Variants in MMP21 observed in about 807,000 individuals in gnomAD.
MMP21 encodes the protein matrix metallopeptidase 21.
Under a neutral mutation model 47.8 loss-of-function variants are expected in MMP21, and 40 were observed. The ratio of observed to expected loss-of-function variants is 0.84; its 90% CI spans 0.65 to 1.09. MMP21 has a LOEUF of 1.09. MMP21 is among the 50% of genes least tolerant of loss of function. MMP21 has a pLI of 0.00. For synonymous variants in MMP21, 341 were observed against 318.0 expected (o/e 1.07, Z -0.77); for missense variants, 747 against 775.3 (o/e 0.96, Z 0.43).
intron 5 of MMP21, among the ~76,000 whole-genome samples, chr10:125,769,891 T>C (rs1358153057): frequency 4.6e-5 from 7 of 152,108 alleles, no homozygotes; most frequent in Non-Finnish European, 1.5e-5. Context: ...TTCACACCTG[T>C]AATCCCAACA....
At chr10:125,775,130 G>T (rs922276948) in intron 1 of MMP21, among the ~76,000 whole-genome samples, 1 of 152,174 alleles carries the variant, frequency 6.6e-6, no homozygotes, top group African/African-American at 2.4e-5. Flanking sequence ...GGCCTCATGG[G>T]TCCACTCCCT....
chr10:125,768,540 C>T lies in MMP21; in HGVS notation c.1238-836G>A, dbSNP rs529631281. Among the ~76,000 whole-genome samples, 31 of 152,336 alleles carry T rather than the reference C, an allele frequency of 2.0e-4. 1 individual carries two copies. The South Asian group carries it at 6.2e-3, about 31-fold the overall frequency. On this transcript the variant is annotated intron_variant, in intron 5 of 6. Transcript: ENST00000368808. ...TAGATGCTTTGGTGTTCACAGTTCA[C>T]AGAACACCCCAAGCAGTACGTTCCT...
In MMP21 at chr10:125,772,507, C is replaced by A; in HGVS notation, c.837+104G>T. 2.5e-6 allele frequency: 4 copies of A among 1,583,476 alleles called. No homozygotes were observed. The highest frequency in any genetic ancestry group is 3.5e-6 in the Non-Finnish European group (4 of 1,156,562). On this transcript the variant is annotated intron_variant, in intron 3 of 6. Transcript: ENST00000368808. This position sits in a 1 kb window ranked among gnomAD's most constrained non-coding sequence, Gnocchi z 5.6. ...GGGGAGCCATTCCACGGATTCACCT[C>A]CTCAGAGGTTGCGGACACTACATGA...
Position 125,774,038 on chromosome 10 carries a change from C to CG in MMP21, c.489dup (p.Asp164ArgfsTer94). On this transcript the variant is annotated frameshift_variant, in exon 2 of 7. Coordinates refer to ENST00000368808, the MANE Select transcript of MMP21 (RefSeq NM_147191.1). LOFTEE classifies it high-confidence loss of function. ...GAGAAGGCCTGGGCAGCTCCGCCGTCGGGGTAGCCCCGGGGCTGCCAACCC... is the reference window on the plus strand; with the variant it reads ...GAGAAGGCCTGGGCAGCTCCGCCGTCGGGGGTAGCCCCGGGGCTGCCAACCC... The CG allele has an allele frequency of 6.7e-7, 1 of 1,485,156 alleles. No individual in the cohort carries two copies. The highest frequency in any genetic ancestry group is 1.3e-5 in the South Asian group (1 of 79,078). The allele number at this position is 1,485,156 out of a possible 1,614,324, so 92.0% of individuals were successfully genotyped here. A position where few individuals can be genotyped will look rare whatever the true frequency, so the allele number is the denominator to read the frequency against.
In MMP21 at chr10:125,767,729, A is replaced by C. The variant is rs779718964; in HGVS notation, c.1238-25T>G. ...CCTGAGAGCCAAACAAAATACGTTC[A>C]TGTGGTTTATTACTATTAAATCACG... is the stretch of plus-strand genomic sequence containing the variant. On this transcript the variant is annotated intron_variant, in intron 5 of 6. Coordinates refer to ENST00000368808, the MANE Select transcript of MMP21 (RefSeq NM_147191.1). 9.9e-6 allele frequency: 16 copies of C among 1,611,988 alleles called. No homozygotes were observed. In the South Asian group the frequency reaches 1.4e-4, roughly 14 times the overall value.
At position 125,767,620 on chromosome 10, in the gene MMP21, G is replaced by A; in HGVS notation, c.1322C>T (p.Ser441Leu). 6.2e-7 allele frequency: 1 copy of A among 1,614,176 alleles called. No homozygotes were observed. Among genetic ancestry groups the A allele is most frequent in the South Asian group, 1.1e-5 (1 of 91,082 alleles). The change falls in exon 6 of 7, where the codon TCA becomes TTA. Residue 441 changes from serine (S) to leucine (L), a missense_variant. By Grantham distance (145) the Ser-to-Leu change is moderately radical. Coordinates refer to ENST00000368808, the MANE Select transcript of MMP21 (RefSeq NM_147191.1). ...EQGKSYPKLI[S>L]EGFPGIPSPL... ...ACTTGGGATGCCAGGAAATCCTTCT[G>A]AAATCAATTTGGGATAGCTTTTTCC...
At chr10:125,767,962 A>G (rs774862387) in intron 5 of MMP21, among the ~76,000 whole-genome samples, 4 of 152,152 alleles carry the variant, frequency 2.6e-5, no homozygotes, top group Non-Finnish European at 5.9e-5. Flanking sequence ...TGCCTTTCAC[A>G]CCAAAGCAAA....
intron 5 of MMP21, among the ~76,000 whole-genome samples, 179 bp from the exon 6 acceptor site, chr10:125,767,883 A>G (rs1298052453): frequency 1.3e-5 from 2 of 152,112 alleles, no homozygotes; most frequent in East Asian, 3.9e-4. Context: ...CCGCGTCTTG[A>G]ATTACTCTTA....
At position 125,774,014 on chromosome 10, in the gene MMP21, A is replaced by T. The variant is rs1410120311; in HGVS notation, c.514T>A (p.Ser172Thr). 6.5e-7 allele frequency: 1 copy of T among 1,540,810 alleles called. No homozygotes were observed. The highest frequency in any genetic ancestry group is 1.9e-5 in the Admixed American group (1 of 53,112). Residue 172 changes from serine to threonine, a missense_variant, in exon 2 of 7, where the codon TCC becomes ACC. Ser to Thr is a moderately conservative substitution (Grantham distance 58). Coordinates refer to ENST00000368808, the MANE Select transcript of MMP21 (RefSeq NM_147191.1). ...AGCCGCCAGCTCAGCGTCCTCTTGG[A>T]GAAGGCCTGGGCAGCTCCGCCGTCG... Reference protein sequence around the residue: ...YPDGGAAQAFSKRTLSWRLLG... With the variant: ...YPDGGAAQAFTKRTLSWRLLG...
chr10:125,768,975 A>G (rs546012304), intron 5 of MMP21, among the ~76,000 whole-genome samples: 7 of 152,290 alleles, frequency 4.6e-5, no homozygotes, highest in East Asian at 1.9e-4. Context: ...TTTGCATATA[A>G]AGTTCATTCA....
In MMP21 at chr10:125,774,323, A is replaced by G. The variant is rs1850491877; in HGVS notation, c.205T>C (p.Trp69Arg). 2.8e-6 allele frequency: 4 copies of G among 1,411,492 alleles called. No individual in the cohort carries two copies. Among genetic ancestry groups the G allele is most frequent in the Middle Eastern group, 2.2e-4 (1 of 4,624 alleles). 87.4% of individuals were successfully genotyped at this position (1,411,492 alleles called of 1,614,324 possible). A position where few individuals can be genotyped will look rare whatever the true frequency, so the allele number is the denominator to read the frequency against. ...RYGWSGVWAA[W>R]GPSPEGPPET... ...GGCGGCCCCTCGGGACTGGGCCCCC[A>G]GGCCGCCCACACCCCTGACCAGCCG... Residue 69 changes from tryptophan (W) to arginine (R), a missense_variant, in exon 2 of 7, where the codon TGG becomes CGG. Transcript: ENST00000368808.
At position 125,772,982 on chromosome 10, in the gene MMP21, G is replaced by GGAGCGGGGCTGGGTGA. The variant is rs1850470189; in HGVS notation, c.698-248_698-233dup. ...GGCACCAAGTGCCTGGGAGCAGAGG[G>GGAGCGGGGCTGGGTGA]GAGCGGGGCTGGGTGAGAGCCCGGC... On this transcript the variant is annotated intron_variant, in intron 2 of 6. Transcript: ENST00000368808. This position sits in a 1 kb window ranked among gnomAD's most constrained non-coding sequence, Gnocchi z 5.6. Among the ~76,000 whole-genome samples the GGAGCGGGGCTGGGTGA allele has an allele frequency of 6.6e-6, 1 of 152,254 alleles. No homozygotes were observed. The highest frequency in any genetic ancestry group is 1.9e-4 in the East Asian group (1 of 5,190).
At chr10:125,770,300 G>T in intron 5 of MMP21, 34 bp downstream of exon 5, 1 of 1,608,394 alleles carries the variant, frequency 6.2e-7, no homozygotes, top group East Asian at 2.2e-5. Flanking sequence ...TTCGTTTAAT[G>T]AGAGAAATAG....
In MMP21 at chr10:125,773,462, G is replaced by A. The variant is rs1363368486; in HGVS notation, c.697+369C>T. Among the ~76,000 whole-genome samples the A allele has an allele frequency of 6.6e-6, 1 of 152,080 alleles. No homozygotes were observed. The highest frequency in any genetic ancestry group is 1.5e-5 in the Non-Finnish European group (1 of 68,028). On this transcript the variant is annotated intron_variant, in intron 2 of 6. Transcript: ENST00000368808. This position sits in a 1 kb window ranked among gnomAD's most constrained non-coding sequence, Gnocchi z 4.8. Reference sequence around the variant, plus strand: ...TATTTTGTCCCGCATTTGTCCAATTGTAAGACGGAGGTGGTGGCAACTTGT... The same window carrying A: ...TATTTTGTCCCGCATTTGTCCAATTATAAGACGGAGGTGGTGGCAACTTGT...
rs372964808 is a variant in MMP21 at position 125,772,616 on chromosome 10, G to C, written c.832C>G (p.Leu278Val). Reference protein sequence around the residue: ...PPTSDTGISLLKVAVHEIGHV... With the variant: ...PPTSDTGISLVKVAVHEIGHV... Reference sequence around the variant, plus strand: ...AGTGGCTCAGGACCACTGACCTTGAGAAGGCTGATGCCCGTGTCACTGGTG... The same window carrying C: ...AGTGGCTCAGGACCACTGACCTTGACAAGGCTGATGCCCGTGTCACTGGTG... Residue 278 changes from leucine to valine, a missense_variant, in exon 3 of 7, where the codon CTC becomes GTC. Physicochemically the swap from Leu to Val is conservative, Grantham distance 32. Transcript: ENST00000368808. This position sits in a 1 kb window ranked among gnomAD's most constrained non-coding sequence, Gnocchi z 5.6. 3.7e-5 allele frequency: 59 copies of C among 1,614,138 alleles called. No homozygotes were observed. In the Admixed American group the frequency reaches 9.7e-4, roughly 26 times the overall value.
Position 125,772,627 on chromosome 10 carries a change from C to A in MMP21, c.821G>T (p.Gly274Val), listed in dbSNP as rs777514612. 3 of 1,614,238 alleles carry A rather than the reference C, an allele frequency of 1.9e-6. No homozygotes were observed. The highest frequency in any genetic ancestry group is 2.2e-5 in the South Asian group (2 of 91,092). ...ACCACTGACCTTGAGAAGGCTGATG[C>A]CCGTGTCACTGGTGGGAGGTGTGAA... Reference protein sequence around the residue: ...EHFTPPTSDTGISLLKVAVHE... With the variant: ...EHFTPPTSDTVISLLKVAVHE... The change falls in exon 3 of 7, where the codon GGC becomes GTC. Residue 274 changes from glycine (G) to valine (V), a missense_variant. Gly to Val is a moderately radical substitution (Grantham distance 109). Coordinates refer to ENST00000368808, the MANE Select transcript of MMP21 (RefSeq NM_147191.1). The surrounding 1 kb of genome is among the most constrained non-coding windows in gnomAD (Gnocchi z 5.6).
intron 1 of MMP21, 112 bp downstream of exon 1, chr10:125,775,548 C>T (rs1850507006): frequency 7.3e-7 from 1 of 1,378,944 alleles, no homozygotes; most frequent in Non-Finnish European, 9.6e-7. Flanking sequence ...CCTGGCCCTT[C>T]TCTGCCTCTG....
At position 125,772,383 on chromosome 10, in the gene MMP21, G is replaced by T. The variant is rs10901424; in HGVS notation, c.838-24C>A. ...ACCTAGAAGGGGACACACACCATGG[G>T]TGCTGGGTGAAGCCTGGGCGATGGA... On this transcript the variant is annotated intron_variant, in intron 3 of 6. Coordinates refer to ENST00000368808, the MANE Select transcript of MMP21 (RefSeq NM_147191.1). The surrounding 1 kb of genome is among the most constrained non-coding windows in gnomAD (Gnocchi z 5.6). 0.35 allele frequency: 569,437 copies of T among 1,612,814 alleles called. 106,443 individuals carry two copies. The highest frequency in any genetic ancestry group is 0.39 in the Non-Finnish European group (464,259 of 1,179,296).
intron 1 of MMP21, 29 bp downstream of exon 1, chr10:125,775,631 G>A (rs760156228): frequency 6.3e-7 from 1 of 1,581,330 alleles, no homozygotes; most frequent in Admixed American, 1.8e-5. Context: ...GGGCCTGGGG[G>A]TATTGCTGTT....
Sources: gnomAD v4.1 joint callset for allele counts (sites outside exome capture counted in the v4.1 genomes callset) on GRCh38, gnomAD v4.1.1 for gene constraint, Gnocchi (gnomAD v3.1) non-coding constraint, MANE v1.5 for transcripts, NCBI Gene and HGNC (gene_info 2026-07-23, HGNC 2026-07-21) for gene names.